The following CUL4A variants were observed in gnomAD, a reference collection of about 807,000 sequenced individuals.
The protein encoded by CUL4A is cullin-4A.
A neutral mutation model predicts 95.5 loss-of-function variants in CUL4A; 16 were observed. The observed-to-expected ratio is 0.17, with a 90% CI of 0.11 to 0.25. The LOEUF is 0.25. Among genes scored for constraint, CUL4A ranks in the 10% least tolerant of loss-of-function variants. The pLI, the probability that CUL4A is intolerant of heterozygous loss-of-function variation, is 1.00. For missense variants in CUL4A, 610 were observed against 937.0 expected (o/e 0.65, Z 4.56); for synonymous variants, 380 against 353.1 (o/e 1.08, Z -0.85).
intron 3 of CUL4A, among the ~76,000 whole-genome samples, chr13:113,222,713 C>A (rs534001395): frequency 6.6e-6 from 1 of 152,138 alleles, no homozygotes; most frequent in Non-Finnish European, 1.5e-5. Flanking sequence ...TTGGGAGGGC[C>A]AGTTGAGCCC....
chr13:113,243,393 T>C (rs2041775020), intron 11 of CUL4A, among the ~76,000 whole-genome samples: 1 of 152,026 alleles, frequency 6.6e-6, no homozygotes. Flanking sequence ...GAGGTAAGAA[T>C]TTAGAAAAGA....
upstream of CUL4A, chr13:113,208,293 C>A (rs957560985): frequency 2.5e-5 from 36 of 1,431,818 alleles, no homozygotes; most frequent in Non-Finnish European, 3.0e-5. Flanking sequence ...CGCCTGGGAG[C>A]GCGGCCACAC....
intron 2 of CUL4A, among the ~76,000 whole-genome samples, chr13:113,216,650 G>A (rs748154865): frequency 5.9e-5 from 9 of 152,206 alleles, no homozygotes; most frequent in Non-Finnish European, 1.3e-4. Flanking sequence ...CATCTGATTA[G>A]TTGCTTTATG....
intron 16 of CUL4A, among the ~76,000 whole-genome samples, chr13:113,253,461 A>G (rs1438356944): frequency 2.6e-5 from 4 of 152,228 alleles, no homozygotes; most frequent in Non-Finnish European, 4.4e-5. Flanking sequence ...ATTGAAAAAA[A>G]TATCTGTGAA....
intron 15 of CUL4A, among the ~76,000 whole-genome samples, chr13:113,249,364 G>A (rs902789854): frequency 5.3e-5 from 8 of 151,360 alleles, no homozygotes; most frequent in African/African-American, 1.2e-4. Context: ...ATACATCAGC[G>A]CTTTATTCCA....
Position 113,242,950 on chromosome 13 carries a change from A to G in CUL4A, c.1036-18A>G. 6.3e-7 allele frequency: 1 copy of G among 1,591,842 alleles called. No homozygotes were observed. Among genetic ancestry groups the G allele is most frequent in the Non-Finnish European group, 8.6e-7 (1 of 1,162,168 alleles). ...ATTGTAAACATGTTGCTGAGTTGGT[A>G]TTGATTTGCTTTTGTAGACTTTTGG... On this transcript the variant is annotated intron_variant, in intron 10 of 19. Coordinates refer to ENST00000375440, the MANE Select transcript of CUL4A (RefSeq NM_001008895.4).
intron 8 of CUL4A, among the ~76,000 whole-genome samples, chr13:113,235,349 T>C (rs539616396): frequency 1.3e-5 from 2 of 152,388 alleles, no homozygotes; most frequent in East Asian, 3.9e-4. Context: ...ATGAGTTACG[T>C]CTAAAGAGAG....
intron 11 of CUL4A, 51 bp downstream of exon 11, chr13:113,243,211 C>A: frequency 2.0e-6 from 3 of 1,516,186 alleles, no homozygotes; most frequent in Non-Finnish European, 1.8e-6. Context: ...ACAGTCTCAC[C>A]CATTTCTAGA....
chr13:113,253,482 A>G (rs547345064), intron 16 of CUL4A, among the ~76,000 whole-genome samples: 14 of 152,302 alleles, frequency 9.2e-5, no homozygotes, highest in African/African-American at 3.4e-4. Context: ...GATGCATTAC[A>G]CTTCTCTGCT....
intron 3 of CUL4A, among the ~76,000 whole-genome samples, chr13:113,222,491 C>T (rs1444352833): frequency 6.6e-6 from 1 of 151,348 alleles, no homozygotes; most frequent in Non-Finnish European, 1.5e-5. Context: ...AAGGAGGAGA[C>T]ACGGATTGAG....
intron 14 of CUL4A, 21 bp from the exon 15 acceptor site, chr13:113,245,935 T>A (rs1442686876): frequency 6.6e-7 from 1 of 1,521,568 alleles, no homozygotes; most frequent in African/African-American, 1.4e-5. Flanking sequence ...AAAATGATTG[T>A]CTTGGATTTC....
At chr13:113,247,727 C>G (rs936972511) in intron 15 of CUL4A, among the ~76,000 whole-genome samples, 2 of 152,210 alleles carry the variant, frequency 1.3e-5, no homozygotes, top group Admixed American at 1.3e-4. Flanking sequence ...ACGCTGGCCA[C>G]GTGGTGCTGT....
intron 18 of CUL4A, among the ~76,000 whole-genome samples, chr13:113,256,930 T>TTTG (rs2042141649): frequency 7.5e-6 from 1 of 133,260 alleles, no homozygotes; most frequent in African/African-American, 2.8e-5. Flanking sequence ...TTTTTCGTTT[T>TTTG]TTTTTTTTTT....
intron 9 of CUL4A, among the ~76,000 whole-genome samples, chr13:113,238,266 C>T (rs1194761681): frequency 6.6e-6 from 1 of 151,806 alleles, no homozygotes; most frequent in Non-Finnish European, 1.5e-5. Flanking sequence ...AAAGAGAGAC[C>T]CTGTCTCTAC....
intron 19 of CUL4A, among the ~76,000 whole-genome samples, chr13:113,261,097 A>T (rs1488875120): frequency 6.6e-6 from 1 of 152,222 alleles, no homozygotes; most frequent in African/African-American, 2.4e-5. Context: ...TAAGGAAATG[A>T]TAACAATAAC....
upstream of CUL4A, among the ~76,000 whole-genome samples, chr13:113,209,318 G>T (rs932204861): frequency 2.1e-5 from 3 of 145,874 alleles, no homozygotes; most frequent in Non-Finnish European, 3.1e-5. Flanking sequence ...GCAGGGTCTC[G>T]GTGCGCCCCC....
At chr13:113,245,320 G>C (rs2041828247) in intron 14 of CUL4A, 83 bp downstream of exon 14, 1 of 1,205,222 alleles carries the variant, frequency 8.3e-7, no homozygotes, top group East Asian at 2.3e-5. Context: ...CCAGCACTTT[G>C]GGAGGCAGAG....
At chr13:113,211,509 C>T (rs993365420) in intron 2 of CUL4A, among the ~76,000 whole-genome samples, 2 of 152,214 alleles carry the variant, frequency 1.3e-5, no homozygotes, top group Admixed American at 6.5e-5. Context: ...CTCAGCCTCC[C>T]GAGTCGCTGG....
At chr13:113,251,333 G>A (rs1043945734) in intron 15 of CUL4A, among the ~76,000 whole-genome samples, 12 of 152,206 alleles carry the variant, frequency 7.9e-5, no homozygotes, top group African/African-American at 2.9e-4. Flanking sequence ...TGGAATGATC[G>A]ACTGAACTGG....
Sources: allele counts gnomAD v4.1 joint callset (sites outside exome capture counted in the v4.1 genomes callset), GRCh38; gene constraint gnomAD v4.1.1; transcripts MANE v1.5; gene names NCBI Gene and HGNC (gene_info 2026-07-23, HGNC 2026-07-21).